Variants in GPR39 observed in about 807,000 individuals in gnomAD.
GPR39 encodes the protein G protein-coupled receptor 39.
Under a neutral mutation model 18.4 loss-of-function variants are expected in GPR39, and 23 were observed. The observed-to-expected ratio is 1.25, with a 90% CI of 0.90 to 1.77. The LOEUF is 1.77. GPR39 is among the 40% of genes most tolerant of loss of function. The probability of loss-of-function intolerance (pLI) is 0.00; values close to 1 mark genes in which losing one functional copy is unlikely to be tolerated. For synonymous variants in GPR39, 280 were observed against 257.9 expected, an observed-to-expected ratio of 1.09 and a Z score of -0.82; for missense variants, 647 against 602.4, an observed-to-expected ratio of 1.07 and a Z score of -0.78.
chr2:132,543,517 A>G (rs1679894706), intron 1 of GPR39, among the ~76,000 whole-genome samples: 1 of 152,140 alleles, frequency 6.6e-6, no homozygotes, highest in East Asian at 1.9e-4. Flanking sequence ...ATAACATACT[A>G]AGGATAGGAA....
intron 1 of GPR39, among the ~76,000 whole-genome samples, chr2:132,457,917 G>T (rs563039650): frequency 6.6e-6 from 1 of 152,246 alleles, no homozygotes; most frequent in Non-Finnish European, 1.5e-5. Flanking sequence ...GCAAGGCTCC[G>T]TGGGTGTGGG....
intron 1 of GPR39, among the ~76,000 whole-genome samples, chr2:132,425,880 C>T (rs1176207287): frequency 6.6e-6 from 1 of 151,800 alleles, no homozygotes; most frequent in Non-Finnish European, 1.5e-5. Flanking sequence ...GGTAAAATTC[C>T]CCCCCAGAAC....
intron 1 of GPR39, among the ~76,000 whole-genome samples, chr2:132,524,932 C>T (rs1558826261): frequency 1.3e-5 from 2 of 152,140 alleles, no homozygotes; most frequent in African/African-American, 4.8e-5. Context: ...CTGCGAATCG[C>T]TTTATACAGC....
chr2:132,488,338 T>C (rs562492731), intron 1 of GPR39, among the ~76,000 whole-genome samples: 316 of 152,276 alleles, frequency 2.1e-3, no homozygotes, highest in Non-Finnish European at 4.0e-3. Context: ...CCTGTCATTA[T>C]CAAAAAGAGG....
intron 1 of GPR39, among the ~76,000 whole-genome samples, chr2:132,544,155 T>C (rs918574916): frequency 6.6e-6 from 1 of 152,184 alleles, no homozygotes; most frequent in Non-Finnish European, 1.5e-5. Flanking sequence ...TGTTAAGATG[T>C]CATCTTTTAG....
chr2:132,445,905 G>A (rs1371891888), intron 1 of GPR39, among the ~76,000 whole-genome samples: 1 of 152,118 alleles, frequency 6.6e-6, no homozygotes, highest in Non-Finnish European at 1.5e-5. Context: ...AGGAGACAGG[G>A]GCTTGTCTGG....
In GPR39 at chr2:132,591,316, G is replaced by A. The variant is rs145566510; in HGVS notation, c.857-53785G>A. On this transcript the variant is annotated intron_variant, in intron 1 of 1. Coordinates refer to ENST00000329321, the MANE Select transcript of GPR39 (RefSeq NM_001508.3). Reference sequence around the variant, plus strand: ...AGGAACATTGTAGGACTAGACCAGCGGAGTCTTCTGGCCTCCATCTTTCTC... The same window carrying A: ...AGGAACATTGTAGGACTAGACCAGCAGAGTCTTCTGGCCTCCATCTTTCTC... 9.0e-3 allele frequency among the ~76,000 whole-genome samples: 1,354 copies of A among 150,030 alleles called. 34 individuals carry two copies. Among genetic ancestry groups the A allele is most frequent in the Admixed American group, 0.051 (776 of 15,136 alleles).
intron 1 of GPR39, among the ~76,000 whole-genome samples, chr2:132,623,561 C>T (rs1558862483): frequency 2.0e-5 from 3 of 152,314 alleles, no homozygotes; most frequent in South Asian, 2.1e-4. Context: ...CTTCAAAAAG[C>T]GAAGGCAAAA....
chr2:132,473,796 T>C (rs1681076642), intron 1 of GPR39, among the ~76,000 whole-genome samples: 1 of 152,190 alleles, frequency 6.6e-6, no homozygotes, highest in African/African-American at 2.4e-5. Flanking sequence ...AGATTTTTGG[T>C]TGTGGCACTA....
At chr2:132,577,362 C>A (rs1052607627) in intron 1 of GPR39, among the ~76,000 whole-genome samples, 10 of 151,912 alleles carry the variant, frequency 6.6e-5, no homozygotes, top group African/African-American at 2.2e-4. Flanking sequence ...AAAAATTATT[C>A]TTGATATTCT....
chr2:132,428,151 T>G (rs1390980417), intron 1 of GPR39, among the ~76,000 whole-genome samples: 2 of 151,946 alleles, frequency 1.3e-5, no homozygotes, highest in African/African-American at 4.8e-5. Context: ...GACCTGGGGT[T>G]TTCCTCATTA....
intron 1 of GPR39, among the ~76,000 whole-genome samples, chr2:132,485,969 TGAG>T (rs1254399176): frequency 4.6e-5 from 7 of 152,216 alleles, no homozygotes; most frequent in African/African-American, 1.7e-4. Context: ...TATAGACTTA[TGAG>T]AAGTATTTCT....
chr2:132,548,932 C>A (rs1350766254), intron 1 of GPR39, among the ~76,000 whole-genome samples: 1 of 152,182 alleles, frequency 6.6e-6, no homozygotes, highest in Admixed American at 6.5e-5. Flanking sequence ...CGTCTCTGAC[C>A]CCCTGGAATT....
At chr2:132,602,885 A>AAT (rs1553459505) in intron 1 of GPR39, among the ~76,000 whole-genome samples, 6 of 151,440 alleles carry the variant, frequency 4.0e-5, no homozygotes, top group Admixed American at 6.6e-5. Context: ...AAAAAAAAAA[A>AAT]CAAATGCTAG....
chr2:132,493,679 C>G (rs1164071000), intron 1 of GPR39, among the ~76,000 whole-genome samples: 1 of 151,510 alleles, frequency 6.6e-6, no homozygotes, highest in Non-Finnish European at 1.5e-5. Context: ...GGAGAGGAAT[C>G]AGGTTGGAAA....
rs1261022175 is a variant in GPR39, at chr2:132,549,703, G to A, written c.857-95398G>A. 3.9e-5 allele frequency among the ~76,000 whole-genome samples: 6 copies of A among 152,142 alleles called. No individual in the cohort carries two copies. The East Asian group carries it at 5.8e-4, about 15-fold the overall frequency. The stretch of plus-strand genomic sequence containing the variant: ...CTCGGGAGGCTGAGGCAGGAGAATC[G>A]CTTGAACCCAGGAGGCGGAGGTTGC... On this transcript the variant is annotated intron_variant, in intron 1 of 1. Transcript: ENST00000329321.
At chr2:132,425,896 G>A (rs1284757123) in intron 1 of GPR39, among the ~76,000 whole-genome samples, 1 of 152,144 alleles carries the variant, frequency 6.6e-6, no homozygotes, top group East Asian at 1.9e-4. Flanking sequence ...AGAACTTCTA[G>A]AAAAGAATTC....
At chr2:132,476,990 A>G (rs1000213444) in intron 1 of GPR39, among the ~76,000 whole-genome samples, 4 of 152,142 alleles carry the variant, frequency 2.6e-5, no homozygotes, top group Non-Finnish European at 2.9e-5. Context: ...TCAAGGCCCC[A>G]CAGTATTTGC....
chr2:132,584,842 G>A (rs1378495521), intron 1 of GPR39, among the ~76,000 whole-genome samples: 1 of 152,202 alleles, frequency 6.6e-6, no homozygotes, highest in African/African-American at 2.4e-5. Flanking sequence ...TGATTTGTCT[G>A]CATTCATTTG....
Sources: allele counts gnomAD v4.1 joint callset (sites outside exome capture counted in the v4.1 genomes callset), GRCh38; gene constraint gnomAD v4.1.1; transcripts MANE v1.5; gene names NCBI Gene and HGNC (gene_info 2026-07-23, HGNC 2026-07-21).